The following LRP2 variants were observed in gnomAD, a reference collection of about 807,000 sequenced individuals.
LRP2 encodes LDL receptor related protein 2.
A neutral mutation model predicts 531.0 loss-of-function variants in LRP2; 172 were observed. The observed-to-expected ratio is 0.32, with a 90% CI of 0.29 to 0.37. The LOEUF is 0.37. LRP2 is among the 10% of genes least tolerant of loss of function. The pLI is 1.00. For missense variants in LRP2, 5,167 were observed against 5,868.3 expected (o/e 0.88, Z 3.90); for synonymous variants, 1,992 against 2,027.6 (o/e 0.98, Z 0.47).
chr2:169,214,883 C>A (rs899267288), intron 35 of LRP2, among the ~76,000 whole-genome samples: 1 of 152,126 alleles, frequency 6.6e-6, no homozygotes, highest in East Asian at 1.9e-4. Context: ...GTGGAGGTGG[C>A]AGAAAAGATC....
At chr2:169,135,464 G>T (rs912861304) in intron 76 of LRP2, among the ~76,000 whole-genome samples, 16 of 152,202 alleles carry the variant, frequency 1.1e-4, no homozygotes, top group Admixed American at 6.5e-5. Context: ...CCTCGGTTTG[G>T]CCTTCCCACC....
At chr2:169,303,558 G>A (rs1357463829) in intron 4 of LRP2, among the ~76,000 whole-genome samples, 1 of 152,082 alleles carries the variant, frequency 6.6e-6, no homozygotes, top group Non-Finnish European at 1.5e-5. Context: ...CCCTATACTA[G>A]CATTTTCTAA....
intron 46 of LRP2, among the ~76,000 whole-genome samples, chr2:169,194,275 C>T (rs1687929422): frequency 6.6e-6 from 1 of 152,178 alleles, no homozygotes; most frequent in Admixed American, 6.5e-5. Flanking sequence ...CGCCTGCACT[C>T]CCCATGCCCG....
chr2:169,130,670 T>C (rs937516717), intron 77 of LRP2, among the ~76,000 whole-genome samples: 12 of 152,296 alleles, frequency 7.9e-5, no homozygotes, highest in Non-Finnish European at 1.6e-4. Flanking sequence ...TCAACCTAGG[T>C]GATCTCACCC....
At chr2:169,230,938 T>C (rs1689375402) in intron 31 of LRP2, among the ~76,000 whole-genome samples, 2 of 152,290 alleles carry the variant, frequency 1.3e-5, no homozygotes, top group South Asian at 4.1e-4. Context: ...GTAACAGTAC[T>C]GAAATTGGAG....
At chr2:169,168,018 A>AATATATATTTATATATATATATATAT (rs1686846753) in intron 61 of LRP2, among the ~76,000 whole-genome samples, 1 of 68,186 alleles carries the variant, frequency 1.5e-5, no homozygotes, top group Non-Finnish European at 2.9e-5. Flanking sequence ...CAGGGTTTAA[A>AATATATATTTATATATATATATATAT]ATATATATAT....
rs1687606297 is a variant in LRP2, at chr2:169,185,609, G to C, written c.9739C>G (p.Gln3247Glu). 1 of 1,613,988 alleles carries C rather than the reference G, an allele frequency of 6.2e-7. No individual in the cohort carries two copies. The highest frequency in any genetic ancestry group is 1.7e-5 in the Admixed American group (1 of 59,998). Residue 3247 changes from glutamine (Q) to glutamate (E), a missense_variant, in exon 50 of 79, where the codon CAG becomes GAG. By Grantham distance (29) the Gln-to-Glu change is conservative (BLOSUM62 2). Transcript: ENST00000649046. The part of the protein sequence containing the change: ...VEKRLYWIDT[Q>E]RQVIERMFLN... ...AACATTCTCTCAATGACTTGCCTCT[G>C]TGTATCAATCCAATACAATCTCTTC...
At position 169,157,917 on chromosome 2, in the gene LRP2, GAAATAAAT is replaced by G. The variant is rs71397691; in HGVS notation, c.11888-423_11888-416del. 2.7e-3 allele frequency among the ~76,000 whole-genome samples: 352 copies of G among 130,728 alleles called. 1 individual carries two copies. The highest frequency in any genetic ancestry group is 5.6e-3 in the South Asian group (21 of 3,738). The allele number at this position is 130,728 out of a possible 152,430, so 85.8% of individuals were successfully genotyped here. On this transcript the variant is annotated intron_variant, in intron 63 of 78. Coordinates refer to ENST00000649046, the MANE Select transcript of LRP2 (RefSeq NM_004525.3). ...TAGATCGATAGATAGATAACAGATA[GAAATAAAT>G]AAATAAATAAATAAATAAATAAATA...
rs1172650014 is a variant in LRP2 at position 169,259,184 on chromosome 2, T to C, written c.2354A>G (p.Asn785Ser). Residue 785 changes from asparagine (N) to serine (S), a missense_variant, in exon 17 of 79, where the codon AAT (asparagine) becomes AGT (serine). Transcript: ENST00000649046. The stretch of plus-strand genomic sequence containing the variant: ...CCAATCAAAAGCCAAACTTTCAACA[T>C]TTTCCACCCTGTTAGCTGCGAGAAT... ...REILAANRVE[N>S]VESLAFDWIS... 2 of 1,612,986 alleles carry C rather than the reference T, an allele frequency of 1.2e-6. No homozygotes were observed. Among genetic ancestry groups the C allele is most frequent in the East Asian group, 2.2e-5 (1 of 44,846 alleles).
chr2:169,163,885 G>C (rs1052206534), intron 62 of LRP2, among the ~76,000 whole-genome samples: 3 of 152,180 alleles, frequency 2.0e-5, no homozygotes, highest in African/African-American at 7.2e-5. Context: ...GAAACAGTGA[G>C]AGACATTTTA....
chr2:169,329,286 T>C (rs564989425), intron 1 of LRP2, among the ~76,000 whole-genome samples: 19 of 152,250 alleles, frequency 1.2e-4, no homozygotes, highest in South Asian at 6.2e-4. Flanking sequence ...CTCACGCCTG[T>C]AATCCCAGCA....
At chr2:169,164,611 G>A (rs936003580) in intron 62 of LRP2, among the ~76,000 whole-genome samples, 4 of 152,128 alleles carry the variant, frequency 2.6e-5, no homozygotes. Context: ...CTCCTGCCTT[G>A]GCAACCTTGA....
intron 36 of LRP2, 62 bp from the exon 37 acceptor site, chr2:169,212,269 A>G: frequency 1.2e-6 from 2 of 1,605,666 alleles, no homozygotes; most frequent in Non-Finnish European, 1.7e-6. Flanking sequence ...CCCATCTCAA[A>G]TTTCTTTAAT....
Position 169,256,250 on chromosome 2 carries a change from ATATT to A in LRP2, c.2640-18_2640-15del. ...AATCGTGAAGCACTAAAATAATAAA[ATATT>A]TAGTTATCTCTTATCCAAAAACTAT... On this transcript the variant is annotated splice_polypyrimidine_tract_variant and intron_variant, in intron 18 of 78. Transcript: ENST00000649046. The A allele has an allele frequency of 1.9e-6, 3 of 1,608,396 alleles. No individual in the cohort carries two copies. The highest frequency in any genetic ancestry group is 2.6e-6 in the Non-Finnish European group (3 of 1,175,750).
chr2:169,174,910 A>T (rs1019483492), intron 55 of LRP2, among the ~76,000 whole-genome samples: 1 of 150,666 alleles, frequency 6.6e-6, no homozygotes, highest in Non-Finnish European at 1.5e-5. Context: ...TTCCTCCTCA[A>T]TGTTAGCTCT....
chr2:169,304,930 T>C (rs748812178), intron 4 of LRP2, among the ~76,000 whole-genome samples: 1 of 152,150 alleles, frequency 6.6e-6, no homozygotes, highest in South Asian at 2.1e-4. Flanking sequence ...TGGATGAAGC[T>C]GGAAGCCATC....
chr2:169,327,515 G>A (rs1685120087), intron 1 of LRP2, among the ~76,000 whole-genome samples: 3 of 121,134 alleles, frequency 2.5e-5, no homozygotes, highest in African/African-American at 6.5e-5. Flanking sequence ...CCGGCCAGCC[G>A]CCCCGTCCGG....
chr2:169,171,201 G>A (rs1220609644), intron 58 of LRP2, among the ~76,000 whole-genome samples: 3 of 152,250 alleles, frequency 2.0e-5, no homozygotes, highest in South Asian at 4.2e-4. Context: ...ATATTTGCAG[G>A]TGTAGTCAGC....
At position 169,307,294 on chromosome 2, in the gene LRP2, A is replaced by T. The variant is rs768168393; in HGVS notation, c.414T>A (p.Asp138Glu). Residue 138 changes from aspartate (D) to glutamate (E), a missense_variant, in exon 4 of 79, where the codon GAT becomes GAA. Physicochemically the swap from Asp to Glu is conservative, Grantham distance 45. Around this residue, in one of 6 missense-constraint regions of LRP2, gnomAD observed 2,811 missense variants for 3,058.0 expected, o/e 0.92. Coordinates refer to ENST00000649046, the MANE Select transcript of LRP2 (RefSeq NM_004525.3). ...AAACAGACTCACGGCAGTCATTCTCATCAGCTCCATCGGGGCAGTCTCTGA... is the reference window on the plus strand; with the variant it reads ...AAACAGACTCACGGCAGTCATTCTCTTCAGCTCCATCGGGGCAGTCTCTGA... ...DHVRDCPDGA[D>E]ENDCQYPTCE... 6.2e-7 allele frequency: 1 copy of T among 1,610,962 alleles called. No homozygotes were observed. Among genetic ancestry groups the T allele is most frequent in the African/African-American group, 1.3e-5 (1 of 75,008 alleles).
Sources: gnomAD v4.1 joint callset for allele counts (sites outside exome capture counted in the v4.1 genomes callset) on GRCh38, gnomAD v4.1.1 for gene constraint, gnomAD v4.1.1 regional missense constraint, MANE v1.5 for transcripts, NCBI Gene and HGNC (gene_info 2026-07-23, HGNC 2026-07-21) for gene names.